Variants in SS18 observed in about 807,000 individuals in gnomAD.
The protein encoded by SS18 is protein SSXT.
SS18 carries 28 observed loss-of-function variants against 72.5 expected under a neutral mutation model. The observed-to-expected ratio is 0.39, with a 90% CI of 0.29 to 0.53. The LOEUF (loss-of-function observed/expected upper bound fraction) is 0.53, where lower values mean the gene tolerates loss of function less well. SS18 is among the 20% of genes least tolerant of loss of function. The probability of loss-of-function intolerance (pLI) is 0.76; values close to 1 mark genes in which losing one functional copy is unlikely to be tolerated. For missense variants in SS18, 518 were observed against 535.3 expected, an observed-to-expected ratio of 0.97 and a Z score of 0.32; for synonymous variants, 172 against 164.2, an observed-to-expected ratio of 1.05 and a Z score of -0.37.
chr18:26,033,599 A>C (rs2053580527), intron 9 of SS18, among the ~76,000 whole-genome samples: 1 of 152,052 alleles, frequency 6.6e-6, no homozygotes, highest in East Asian at 1.9e-4. Context: ...AAAAACACTG[A>C]TTTCAGAGAA....
intron 3 of SS18, among the ~76,000 whole-genome samples, chr18:26,073,208 A>G (rs554342203): frequency 6.6e-6 from 1 of 152,348 alleles, no homozygotes. Flanking sequence ...GAAATTAAGA[A>G]ATGTATTTTT....
chr18:26,070,540 C>T (rs1403277956), intron 3 of SS18, among the ~76,000 whole-genome samples: 1 of 152,172 alleles, frequency 6.6e-6, no homozygotes, highest in Non-Finnish European at 1.5e-5. Flanking sequence ...AGAAAAAAGA[C>T]ACAAGGCTGA....
intron 7 of SS18, among the ~76,000 whole-genome samples, chr18:26,037,550 T>C (rs1414436785): frequency 5.3e-5 from 8 of 152,154 alleles, no homozygotes; most frequent in Non-Finnish European, 5.9e-5. Context: ...AATGTACCTT[T>C]ATGTTTTATG....
chr18:26,019,789 CAAAAAAAAA>C (rs869179852), intron 10 of SS18, among the ~76,000 whole-genome samples: 7 of 62,542 alleles, frequency 1.1e-4, no homozygotes, highest in Admixed American at 4.5e-4. Flanking sequence ...AACTCTGTCT[CAAAAAAAAA>C]AAAAAAAAAA....
intron 3 of SS18, among the ~76,000 whole-genome samples, chr18:26,058,993 G>T (rs1176008590): frequency 6.6e-6 from 1 of 152,076 alleles, no homozygotes; most frequent in Non-Finnish European, 1.5e-5. Flanking sequence ...ACCCTCTTCT[G>T]TCTGAAAACA....
intron 1 of SS18, among the ~76,000 whole-genome samples, chr18:26,088,563 G>A (rs973673156): frequency 6.6e-6 from 1 of 152,158 alleles, no homozygotes; most frequent in Non-Finnish European, 1.5e-5. Context: ...AACATTCCAA[G>A]CAATCTTGGC....
intron 5 of SS18, among the ~76,000 whole-genome samples, chr18:26,047,694 T>G (rs896781473): frequency 6.6e-6 from 1 of 151,570 alleles, no homozygotes; most frequent in African/African-American, 2.4e-5. Flanking sequence ...ACAAAAAAAA[T>G]TAGCCGGGCA....
chr18:26,019,672 G>A (rs928002728), intron 10 of SS18, among the ~76,000 whole-genome samples: 3 of 151,488 alleles, frequency 2.0e-5, no homozygotes, highest in Admixed American at 1.3e-4. Context: ...TTAGCTGGGC[G>A]TGGTGGCGCA....
chr18:26,074,673 T>C (rs1201127036), intron 3 of SS18, among the ~76,000 whole-genome samples: 1 of 152,084 alleles, frequency 6.6e-6, no homozygotes. Flanking sequence ...CTGAGAAAAA[T>C]TTATAATTTA....
At chr18:26,072,563 C>T (rs1003898417) in intron 3 of SS18, among the ~76,000 whole-genome samples, 5 of 151,878 alleles carry the variant, frequency 3.3e-5, no homozygotes, top group African/African-American at 1.2e-4. Flanking sequence ...TTTGGGAGGC[C>T]AAGGCAGACG....
intron 3 of SS18, among the ~76,000 whole-genome samples, chr18:26,061,893 T>G (rs1406535263): frequency 6.6e-6 from 1 of 151,988 alleles, no homozygotes; most frequent in Non-Finnish European, 1.5e-5. Flanking sequence ...ATATTAACAT[T>G]TAAAATAACA....
chr18:26,071,279 A>G (rs189796520), intron 3 of SS18, among the ~76,000 whole-genome samples: 108 of 152,304 alleles, frequency 7.1e-4, no homozygotes, highest in African/African-American at 2.2e-3. Flanking sequence ...AAATCTTCCA[A>G]TATCTAACTA....
chr18:26,034,780 C>T (rs1470584624), intron 9 of SS18, among the ~76,000 whole-genome samples: 1 of 152,186 alleles, frequency 6.6e-6, no homozygotes, highest in Non-Finnish European at 1.5e-5. Flanking sequence ...TGACTCCACA[C>T]ATTACCTTTG....
intron 3 of SS18, among the ~76,000 whole-genome samples, chr18:26,067,440 G>C (rs1270504247): frequency 6.6e-6 from 1 of 152,188 alleles, no homozygotes; most frequent in Non-Finnish European, 1.5e-5. Context: ...CAACAGAGGG[G>C]GAACTGAGGA....
intron 10 of SS18, among the ~76,000 whole-genome samples, chr18:26,019,909 A>G (rs1451314756): frequency 6.6e-6 from 1 of 151,912 alleles, no homozygotes; most frequent in Non-Finnish European, 1.5e-5. Flanking sequence ...GAGTAAAATG[A>G]TATCACATCT....
intron 1 of SS18, among the ~76,000 whole-genome samples, 159 bp downstream of exon 1, chr18:26,090,342 C>G (rs930377713): frequency 1.3e-5 from 2 of 152,232 alleles, no homozygotes; most frequent in Admixed American, 6.5e-5. Flanking sequence ...CCGCCACCCA[C>G]TCAGGCACAG....
chr18:26,053,163 C>T (rs1375932717), intron 4 of SS18, among the ~76,000 whole-genome samples: 2 of 152,054 alleles, frequency 1.3e-5, no homozygotes, highest in Non-Finnish European at 2.9e-5. Flanking sequence ...ACTAACAGAT[C>T]GATTGAACAG....
chr18:26,059,683 C>T (rs1379607410), intron 3 of SS18, among the ~76,000 whole-genome samples: 1 of 152,208 alleles, frequency 6.6e-6, no homozygotes, highest in African/African-American at 2.4e-5. Flanking sequence ...TTATAACCAA[C>T]CTTTAATAGA....
chr18:26,073,773 A>G (rs1189358937), intron 3 of SS18, among the ~76,000 whole-genome samples: 3 of 152,216 alleles, frequency 2.0e-5, no homozygotes, highest in Admixed American at 1.3e-4. Context: ...AATAATAAAC[A>G]TTATCTGTCA....
Sources: gnomAD v4.1 joint callset for allele counts (sites outside exome capture counted in the v4.1 genomes callset) on GRCh38, gnomAD v4.1.1 for gene constraint, MANE v1.5 for transcripts, NCBI Gene and HGNC (gene_info 2026-07-23, HGNC 2026-07-21) for gene names.